Variants in STK33 observed in about 807,000 individuals in gnomAD.
STK33 encodes serine/threonine-protein kinase 33.
In STK33, 52 loss-of-function variants were observed where a neutral mutation model predicts 58.0. The ratio of observed to expected loss-of-function variants is 0.90; its 90% confidence interval spans 0.72 to 1.13. STK33 has a LOEUF of 1.13. Ranked by LOEUF, STK33 falls within the 50% of genes most tolerant of loss-of-function variation. STK33 has a pLI of 0.00. For missense variants in STK33, 630 were observed against 604.2 expected (o/e 1.04, Z -0.45); for synonymous variants, 215 against 200.1 (o/e 1.07, Z -0.63).
At chr11:8,531,370 G>C (rs1375771141) in intron 1 of STK33, among the ~76,000 whole-genome samples, 1 of 152,184 alleles carries the variant, frequency 6.6e-6, no homozygotes, top group Non-Finnish European at 1.5e-5. Flanking sequence ...AAACTTAGTG[G>C]TTTAAAACAA....
At chr11:8,337,654 G>T in the STK33 span, among the ~76,000 whole-genome samples, 4 of 146,644 alleles carry the variant, frequency 2.7e-5, no homozygotes, top group Non-Finnish European at 4.5e-5. Context: ...GCGGGGGGGG[G>T]GCCCTGCCCT....
At chr11:8,438,313 AT>A (rs1389043784) in intron 12 of STK33, among the ~76,000 whole-genome samples, 4 of 152,236 alleles carry the variant, frequency 2.6e-5, no homozygotes, top group Non-Finnish European at 5.9e-5. Context: ...TCTTCCTACT[AT>A]TTTGTTGCAT....
chr11:8,387,385 T>G (rs1848558590), downstream of STK33, among the ~76,000 whole-genome samples: 1 of 152,238 alleles, frequency 6.6e-6, no homozygotes, highest in Admixed American at 6.5e-5. Context: ...GTTTACGTTC[T>G]GCTACTTCTT....
chr11:8,545,500 T>C (rs1167585691), intron 1 of STK33, among the ~76,000 whole-genome samples: 2 of 152,196 alleles, frequency 1.3e-5, no homozygotes, highest in African/African-American at 4.8e-5. Context: ...AGTATTTATA[T>C]GCATAACAGT....
At chr11:8,351,744 C>T in the STK33 span, among the ~76,000 whole-genome samples, 9,627 of 152,222 alleles carry the variant, frequency 0.063, 332 homozygotes, top group Non-Finnish European at 0.073. Flanking sequence ...CTGCTGCTGT[C>T]CTAAAAGACA....
chr11:8,553,402 C>T (rs1565348691), intron 1 of STK33, among the ~76,000 whole-genome samples: 1 of 151,566 alleles, frequency 6.6e-6, no homozygotes, highest in Non-Finnish European at 1.5e-5. Context: ...TCACCAAAAA[C>T]ACCTGAGTGA....
chr11:8,393,369 C>T (rs1287718599), intron 15 of STK33, among the ~76,000 whole-genome samples: 1 of 152,208 alleles, frequency 6.6e-6, no homozygotes, highest in East Asian at 1.9e-4. Context: ...GGAGTTTTAA[C>T]AGGCAATTGT....
the STK33 span, among the ~76,000 whole-genome samples, chr11:8,383,793 C>T: frequency 6.6e-6 from 1 of 152,242 alleles, no homozygotes; most frequent in African/African-American, 2.4e-5. Flanking sequence ...GGGAGACACA[C>T]TTGCTGTGTG....
At chr11:8,354,021 T>A in the STK33 span, among the ~76,000 whole-genome samples, 1 of 152,130 alleles carries the variant, frequency 6.6e-6, no homozygotes. Context: ...ATTCATCAAA[T>A]CAGTTTCCCC....
intron 1 of STK33, among the ~76,000 whole-genome samples, chr11:8,513,813 T>C (rs537275452): frequency 1.9e-3 from 296 of 152,326 alleles, no homozygotes; most frequent in Admixed American, 3.6e-3. Context: ...CTTTGTGTTA[T>C]AAACAATTCA....
intron 8 of STK33, among the ~76,000 whole-genome samples, chr11:8,460,862 G>A (rs1040591973): frequency 2.6e-5 from 4 of 152,130 alleles, no homozygotes; most frequent in African/African-American, 9.7e-5. Context: ...TCTTATAAAG[G>A]ATAACTGTGG....
intron 11 of STK33, among the ~76,000 whole-genome samples, chr11:8,442,029 CTA>C (rs954655599): frequency 1.3e-4 from 14 of 111,928 alleles, no homozygotes; most frequent in African/African-American, 5.5e-4. Context: ...ATACCTACAC[CTA>C]CACACACACA....
At chr11:8,410,407 T>C (rs1940008652) in intron 15 of STK33, among the ~76,000 whole-genome samples, 1 of 152,008 alleles carries the variant, frequency 6.6e-6, no homozygotes, top group Non-Finnish European at 1.5e-5. Context: ...ACAACTAGGT[T>C]TTCAGTCAAG....
At chr11:8,505,781 T>G (rs1293747561) in intron 1 of STK33, among the ~76,000 whole-genome samples, 2 of 152,160 alleles carry the variant, frequency 1.3e-5, no homozygotes, top group African/African-American at 4.8e-5. Context: ...AACAAATGAA[T>G]GAAGGAAGGA....
At chr11:8,499,618 A>T (rs1479095541) in intron 1 of STK33, among the ~76,000 whole-genome samples, 1 of 152,234 alleles carries the variant, frequency 6.6e-6, no homozygotes, top group African/African-American at 2.4e-5. Flanking sequence ...AGACACATGC[A>T]CACGTAGGTT....
intron 1 of STK33, among the ~76,000 whole-genome samples, chr11:8,512,300 G>A (rs538835551): frequency 4.0e-5 from 6 of 150,540 alleles, no homozygotes; most frequent in Non-Finnish European, 5.9e-5. Flanking sequence ...ATAAGATCTC[G>A]TTCTTGGTCT....
chr11:8,528,801 G>GT (rs1487210003), intron 1 of STK33, among the ~76,000 whole-genome samples: 1 of 152,120 alleles, frequency 6.6e-6, no homozygotes, highest in Non-Finnish European at 1.5e-5. Flanking sequence ...GTGCCAGTAG[G>GT]TGAGTCCAAA....
chr11:8,342,007 G>A, the STK33 span, among the ~76,000 whole-genome samples: 1 of 152,206 alleles, frequency 6.6e-6, no homozygotes, highest in African/African-American at 2.4e-5. Context: ...GGCAGCTCAT[G>A]CTTAAGACCT....
chr11:8,349,013 C>G, the STK33 span, among the ~76,000 whole-genome samples: 2 of 152,254 alleles, frequency 1.3e-5, no homozygotes. Flanking sequence ...GAGCCTCAGT[C>G]CAGGCTGGCT....
Sources: gnomAD v4.1 joint callset for allele counts (sites outside exome capture counted in the v4.1 genomes callset) on GRCh38, gnomAD v4.1.1 for gene constraint, MANE v1.5 for transcripts, NCBI Gene and HGNC (gene_info 2026-07-23, HGNC 2026-07-21) for gene names.